CD4: variants seen among roughly 807,000 people sequenced by gnomAD.
CD4 encodes T-cell surface glycoprotein CD4.
CD4 carries 25 observed loss-of-function variants against 50.5 expected under a neutral mutation model. That is an observed-to-expected ratio of 0.49 (90% confidence interval 0.36 to 0.69). The LOEUF (loss-of-function observed/expected upper bound fraction) is 0.69, where lower values mean the gene tolerates loss of function less well. Among genes scored for constraint, CD4 ranks in the 30% least tolerant of loss-of-function variants. The pLI is 0.00. For synonymous variants in CD4, 207 were observed against 221.9 expected, an observed-to-expected ratio of 0.93 and a Z score of 0.60; for missense variants, 456 against 548.5, an observed-to-expected ratio of 0.83 and a Z score of 1.68.
At chr12:6,790,389 T>A (rs1942121515) in intron 1 of CD4, among the ~76,000 whole-genome samples, 1 of 152,264 alleles carries the variant, frequency 6.6e-6, no homozygotes, top group African/African-American at 2.4e-5. Context: ...AAGGCACTTC[T>A]ACTCTAGTTA....
At chr12:6,800,672 T>G (rs1166691951) in intron 3 of CD4, among the ~76,000 whole-genome samples, 1 of 152,218 alleles carries the variant, frequency 6.6e-6, no homozygotes, top group Non-Finnish European at 1.5e-5. Context: ...TTCAATATTT[T>G]AATATTTAAT....
rs117212221 is a variant in CD4 at position 6,802,907 on chromosome 12, T to C, written c.214+2436T>C. Among the ~76,000 whole-genome samples the C allele has an allele frequency of 6.8e-3, 1,033 of 152,008 alleles. 2 individuals are homozygous for C. Among genetic ancestry groups the C allele is most frequent in the South Asian group, 0.018 (87 of 4,810 alleles). ...TGCCACCATGCCCAGCTAACTTTTTTATTTTTTTATTAGAGACAGGGTTCC... is the reference window on the plus strand; with the variant it reads ...TGCCACCATGCCCAGCTAACTTTTTCATTTTTTTATTAGAGACAGGGTTCC... On this transcript the variant is annotated intron_variant, in intron 3 of 9. Coordinates refer to ENST00000011653, the MANE Select transcript of CD4 (RefSeq NM_000616.5).
chr12:6,799,171 A>C (rs1555114794), intron 1 of CD4: 1 of 152,248 alleles, frequency 6.6e-6, no homozygotes, highest in African/African-American at 2.4e-5. Context: ...CAAACAAAAA[A>C]TTGGACATGA....
At chr12:6,804,889 G>A (rs1390462160) in intron 3 of CD4, among the ~76,000 whole-genome samples, 13 of 151,890 alleles carry the variant, frequency 8.6e-5, no homozygotes, top group African/African-American at 2.2e-4. Context: ...GGTGGCAGGC[G>A]CCTGTAGACC....
chr12:6,819,503 G>C lies in CD4; in HGVS notation c.*174G>C. On this transcript the variant is annotated 3_prime_UTR_variant, in exon 10 of 10. Transcript: ENST00000011653. ...GCCCCGGCTTCACTGGTTGAGTGTT[G>C]CTCTCTAGTTTCCAGAGGCTTAATC... The C allele has an allele frequency of 1.6e-6, 1 of 644,606 alleles. No homozygotes were observed. Among genetic ancestry groups the C allele is most frequent in the Non-Finnish European group, 2.8e-6 (1 of 361,196 alleles). The allele number at this position is 644,606 out of a possible 1,614,324, so 39.9% of individuals were successfully genotyped here. A position where few individuals can be genotyped will look rare whatever the true frequency, so the allele number is the denominator to read the frequency against.
At position 6,800,151 on chromosome 12, in the gene CD4, G is replaced by A. The variant is rs1418791491; in HGVS notation, c.13G>A (p.Val5Ile). 1.9e-6 allele frequency: 3 copies of A among 1,613,926 alleles called. No homozygotes were observed. Among genetic ancestry groups the A allele is most frequent in the Non-Finnish European group, 2.5e-6 (3 of 1,179,992 alleles). MNRG[V>I]PFRHLLLVLQ... The stretch of plus-strand genomic sequence containing the variant: ...CGGCAAGGCCACAATGAACCGGGGA[G>A]TCCCTTTTAGGCACTTGCTTCTGGT... Residue 5 changes from valine to isoleucine, a missense_variant, in exon 2 of 10, where the codon GTC becomes ATC. Physicochemically the swap from Val to Ile is conservative, Grantham distance 29. Transcript: ENST00000011653.
intron 1 of CD4, among the ~76,000 whole-genome samples, chr12:6,794,077 A>T: frequency 7.0e-6 from 1 of 143,664 alleles, no homozygotes. Flanking sequence ...TGATCTATCT[A>T]TCTTTTTTTT....
intron 3 of CD4, among the ~76,000 whole-genome samples, chr12:6,808,450 C>CAAAAAAAAAAAAAAA (rs3032789): frequency 7.9e-5 from 3 of 37,806 alleles, no homozygotes; most frequent in African/African-American, 1.5e-4. Flanking sequence ...GATTCTGTCT[C>CAAAAAAAAAAAAAAA]AAAAAAAAAA....
At chr12:6,803,975 G>A (rs1555115773) in intron 3 of CD4, among the ~76,000 whole-genome samples, 1 of 151,404 alleles carries the variant, frequency 6.6e-6, no homozygotes, top group South Asian at 2.1e-4. Context: ...TCCAGGTGTG[G>A]TGGCACACAC....
intron 7 of CD4, among the ~76,000 whole-genome samples, chr12:6,817,678 ACT>A (rs1943117535): frequency 6.6e-6 from 1 of 151,694 alleles, no homozygotes; most frequent in Admixed American, 6.6e-5. Context: ...ACACACATAC[ACT>A]CTCACACACA....
chr12:6,817,405 G>A, intron 7 of CD4, 75 bp downstream of exon 7: 1 of 1,309,362 alleles, frequency 7.6e-7, no homozygotes, highest in South Asian at 1.3e-5. Flanking sequence ...ACCACCCAGA[G>A]TCCCGGCCTC....
Position 6,818,274 on chromosome 12 carries a change from G to C in CD4, c.1157-147G>C, listed in dbSNP as rs1015118656. 1.8e-5 allele frequency: 16 copies of C among 880,750 alleles called. No individual in the cohort carries two copies. The highest frequency in any genetic ancestry group is 2.6e-5 in the Non-Finnish European group (15 of 571,916). The allele number at this position is 880,750 out of a possible 1,614,324, so 54.6% of individuals were successfully genotyped here. On this transcript the variant is annotated intron_variant, in intron 7 of 9. Coordinates refer to ENST00000011653, the MANE Select transcript of CD4 (RefSeq NM_000616.5). The surrounding 1 kb of genome is among the most constrained non-coding windows in gnomAD (Gnocchi z 5.0). Reference sequence around the variant, plus strand: ...ATAAAACCGATTCCCCAGCACTGGCGGCCTTTGAGAGCCCCCAGGCACCCC... The same window carrying C: ...ATAAAACCGATTCCCCAGCACTGGCCGCCTTTGAGAGCCCCCAGGCACCCC...
At chr12:6,794,019 A>ATCACCT (rs1418532986) in intron 1 of CD4, among the ~76,000 whole-genome samples, 1 of 132,154 alleles carries the variant, frequency 7.6e-6, no homozygotes, top group Non-Finnish European at 1.7e-5. Context: ...CTATCTATCT[A>ATCACCT]ATCTATCTAT....
At chr12:6,793,442 A>T (rs1942232406) in intron 1 of CD4, among the ~76,000 whole-genome samples, 2 of 151,904 alleles carry the variant, frequency 1.3e-5, no homozygotes, top group African/African-American at 4.8e-5. Flanking sequence ...GGGATGGGGG[A>T]CAGTGGGAAC....
chr12:6,802,629 G>A (rs782291986), intron 3 of CD4, among the ~76,000 whole-genome samples: 8 of 151,896 alleles, frequency 5.3e-5, no homozygotes, highest in East Asian at 3.9e-4. Context: ...ACTGTTGTTC[G>A]GCGTGGAGAA....
intron 3 of CD4, among the ~76,000 whole-genome samples, chr12:6,805,218 A>T (rs1436902091): frequency 6.7e-6 from 1 of 149,756 alleles, no homozygotes; most frequent in African/African-American, 2.4e-5. Flanking sequence ...AAAAGAAAAG[A>T]AAAGAAAAGA....
intron 3 of CD4, among the ~76,000 whole-genome samples, chr12:6,805,015 CAA>C (rs34087134): frequency 0.013 from 1,299 of 96,872 alleles, 27 homozygotes; most frequent in Admixed American, 0.069. Context: ...GACTACGTCT[CAA>C]AAAAAAAAAA....
chr12:6,798,034 TG>T (rs746645024), intron 1 of CD4, among the ~76,000 whole-genome samples: 2 of 151,994 alleles, frequency 1.3e-5, no homozygotes, highest in East Asian at 1.9e-4. Flanking sequence ...GCTGTCTCAG[TG>T]GGGGGAAACC....
intron 3 of CD4, 76 bp from the exon 4 acceptor site, chr12:6,814,066 C>A: frequency 7.9e-7 from 1 of 1,267,360 alleles, no homozygotes; most frequent in Non-Finnish European, 1.1e-6. Context: ...ATCAGAAGAG[C>A]CGTGGGCATT....
Sources: gnomAD v4.1 joint callset for allele counts (sites outside exome capture counted in the v4.1 genomes callset) on GRCh38, gnomAD v4.1.1 for gene constraint, Gnocchi (gnomAD v3.1) non-coding constraint, MANE v1.5 for transcripts, NCBI Gene and HGNC (gene_info 2026-07-23, HGNC 2026-07-21) for gene names.